The following RALGAPA1 variants were observed in gnomAD, a reference collection of about 807,000 sequenced individuals.
The protein encoded by RALGAPA1 is ral GTPase-activating protein subunit alpha-1.
Under a neutral mutation model 269.6 loss-of-function variants are expected in RALGAPA1, and 52 were observed. That is an observed-to-expected ratio of 0.19 (90% confidence interval 0.15 to 0.24). The LOEUF is 0.24. Ranked by LOEUF, RALGAPA1 falls within the 10% of genes least tolerant of loss-of-function variation. RALGAPA1 has a pLI of 1.00. For missense variants in RALGAPA1, 1,917 were observed against 3,013.9 expected, an observed-to-expected ratio of 0.64 and a Z score of 8.52; for synonymous variants, 817 against 1,008.3, an observed-to-expected ratio of 0.81 and a Z score of 3.60.
In RALGAPA1 at chr14:35,621,176, A is replaced by T. The variant is rs145355838; in HGVS notation, c.6929+4185T>A. ...TACCAAAACAGATATATAGACCAAC[A>T]GAACAGAACAGAGCCCTCAGAAATA... On this transcript the variant is annotated intron_variant, in intron 35 of 41. Coordinates refer to ENST00000680220, the MANE Select transcript of RALGAPA1 (RefSeq NM_001346249.2). 2.1e-3 allele frequency among the ~76,000 whole-genome samples: 324 copies of T among 152,250 alleles called. 4 individuals carry two copies. The highest frequency in any genetic ancestry group is 7.5e-3 in the African/African-American group (311 of 41,558).
chr14:35,790,684 TAAA>T (rs75409188), intron 1 of RALGAPA1, among the ~76,000 whole-genome samples: 5 of 92,402 alleles, frequency 5.4e-5, no homozygotes, highest in Non-Finnish European at 7.2e-5. Context: ...AGAGACTGTC[TAAA>T]AAAAAAAAAA....
chr14:35,658,653 G>GA lies in RALGAPA1; in HGVS notation c.5387+484dup, dbSNP rs553490819. Among the ~76,000 whole-genome samples, 168 of 151,546 alleles carry GA rather than the reference G, an allele frequency of 1.1e-3. 1 individual carries two copies. The highest frequency in any genetic ancestry group is 4.0e-3 in the African/African-American group (167 of 41,420). The stretch of plus-strand genomic sequence containing the variant: ...CAGCTTTTATTTCTTAAGACATTTA[G>GA]AAAAAAATCTAAAACTATGACATAT... On this transcript the variant is annotated intron_variant, in intron 28 of 41. Transcript: ENST00000680220.
chr14:35,749,065 C>A (rs965232395), intron 9 of RALGAPA1, among the ~76,000 whole-genome samples: 2 of 152,122 alleles, frequency 1.3e-5, no homozygotes, highest in African/African-American at 4.8e-5. Context: ...TAATCATCTA[C>A]CCACCTATAG....
At chr14:35,540,595 A>C (rs543546023) in intron 41 of RALGAPA1, among the ~76,000 whole-genome samples, 3 of 152,336 alleles carry the variant, frequency 2.0e-5, no homozygotes, top group Non-Finnish European at 4.4e-5. Flanking sequence ...TAGGCTTTCA[A>C]ATATTTCCTA....
intron 25 of RALGAPA1, among the ~76,000 whole-genome samples, chr14:35,672,093 T>C (rs897511830): frequency 1.3e-5 from 2 of 152,222 alleles, no homozygotes; most frequent in African/African-American, 4.8e-5. Context: ...TTACAACTTA[T>C]CTTAAACAAA....
At chr14:35,548,135 T>C (rs1465729329) in intron 41 of RALGAPA1, among the ~76,000 whole-genome samples, 1 of 152,114 alleles carries the variant, frequency 6.6e-6, no homozygotes, top group East Asian at 1.9e-4. Context: ...AGTTATCATT[T>C]GATGAGTTAG....
At chr14:35,664,278 A>T (rs191615036) in intron 27 of RALGAPA1, among the ~76,000 whole-genome samples, 2 of 152,296 alleles carry the variant, frequency 1.3e-5, no homozygotes, top group East Asian at 3.9e-4. Flanking sequence ...ACACTGAGAA[A>T]CTGGGAGAAG....
intron 16 of RALGAPA1, among the ~76,000 whole-genome samples, chr14:35,710,417 G>A (rs113602505): frequency 0.018 from 2,785 of 152,132 alleles, 82 homozygotes; most frequent in African/African-American, 0.063. Flanking sequence ...CAACAAGCCC[G>A]GCTAATTTTT....
rs576204137 is a variant in RALGAPA1, at chr14:35,771,192, G to A, written c.268-193C>T. On this transcript the variant is annotated intron_variant, in intron 3 of 41. Coordinates refer to ENST00000680220, the MANE Select transcript of RALGAPA1 (RefSeq NM_001346249.2). ...GTGGATCACCTGAGGTCAGGAGTTC[G>A]AGACCAGCCTGGCCAACATGGTGAA... 5.3e-4 allele frequency among the ~76,000 whole-genome samples: 81 copies of A among 152,080 alleles called. 1 individual carries two copies. The South Asian group carries it at 0.015, about 27-fold the overall frequency.
At chr14:35,591,799 G>A (rs2138938529) in intron 37 of RALGAPA1, among the ~76,000 whole-genome samples, 2 of 152,282 alleles carry the variant, frequency 1.3e-5, no homozygotes, top group South Asian at 4.1e-4. Flanking sequence ...ATCTCAAATT[G>A]TAATCCACAT....
chr14:35,777,160 T>G (rs200739486), intron 1 of RALGAPA1, among the ~76,000 whole-genome samples: 2 of 152,162 alleles, frequency 1.3e-5, no homozygotes, highest in East Asian at 3.9e-4. Context: ...ATATATTTTG[T>G]TAACAAAATA....
chr14:35,557,763 T>C (rs1023571415), intron 39 of RALGAPA1, among the ~76,000 whole-genome samples: 1 of 152,182 alleles, frequency 6.6e-6, no homozygotes, highest in Non-Finnish European at 1.5e-5. Flanking sequence ...TTACAAAACA[T>C]GCATTTGAAT....
At chr14:35,713,544 G>T (rs902462985) in intron 16 of RALGAPA1, among the ~76,000 whole-genome samples, 2 of 152,162 alleles carry the variant, frequency 1.3e-5, no homozygotes, top group African/African-American at 2.4e-5. Flanking sequence ...TCAATGATGA[G>T]GAGGAATCCA....
intron 16 of RALGAPA1, among the ~76,000 whole-genome samples, chr14:35,712,432 G>A (rs970697673): frequency 2.6e-5 from 4 of 151,942 alleles, no homozygotes; most frequent in Admixed American, 6.6e-5. Context: ...TTCTTGCAAA[G>A]CAAGTATACT....
intron 33 of RALGAPA1, among the ~76,000 whole-genome samples, chr14:35,631,922 G>A (rs530474805): frequency 2.6e-5 from 4 of 151,874 alleles, no homozygotes; most frequent in East Asian, 1.9e-4. Context: ...CATAAACCTC[G>A]AAGCTCAGGT....
chr14:35,757,033 C>A, intron 6 of RALGAPA1, 125 bp from the exon 7 acceptor site: 1 of 624,740 alleles, frequency 1.6e-6, no homozygotes, highest in Non-Finnish European at 2.3e-6. Context: ...TTTCTAATGA[C>A]TGATCCTTGA....
chr14:35,593,960 CAG>C (rs1594743666), intron 37 of RALGAPA1, among the ~76,000 whole-genome samples: 2 of 152,124 alleles, frequency 1.3e-5, no homozygotes, highest in East Asian at 3.9e-4. Context: ...TGGAACAAAA[CAG>C]AGATCCCAGA....
chr14:35,657,141 T>C (rs770627631), intron 28 of RALGAPA1, among the ~76,000 whole-genome samples: 5 of 152,106 alleles, frequency 3.3e-5, no homozygotes, highest in Non-Finnish European at 5.9e-5. Flanking sequence ...CTCAACTCTC[T>C]GCTCCTGTGC....
intron 4 of RALGAPA1, among the ~76,000 whole-genome samples, chr14:35,762,988 G>A (rs1044915783): frequency 6.6e-6 from 1 of 151,602 alleles, no homozygotes. Flanking sequence ...CAAAACCTAG[G>A]CCCGAAATTG....
Sources: gnomAD v4.1 joint callset for allele counts (sites outside exome capture counted in the v4.1 genomes callset) on GRCh38, gnomAD v4.1.1 for gene constraint, MANE v1.5 for transcripts, NCBI Gene and HGNC (gene_info 2026-07-23, HGNC 2026-07-21) for gene names.